PSMD14: variants seen among roughly 807,000 people sequenced by gnomAD.
PSMD14 encodes ubiquitin C-terminal hydrolase PSMD14.
PSMD14 carries 7 observed loss-of-function variants against 41.2 expected under a neutral mutation model. The ratio of observed to expected loss-of-function variants is 0.17; its 90% CI spans 0.10 to 0.32. The LOEUF is 0.32. Ranked by LOEUF, PSMD14 falls within the 10% of genes least tolerant of loss-of-function variation. The pLI, the probability that PSMD14 is intolerant of heterozygous loss-of-function variation, is 1.00. For missense variants in PSMD14, 139 were observed against 375.6 expected (o/e 0.37, Z 5.21); for synonymous variants, 114 against 122.3 (o/e 0.93, Z 0.45).
At chr2:161,309,057 C>A (rs1689058331) in intron 1 of PSMD14, among the ~76,000 whole-genome samples, 1 of 152,148 alleles carries the variant, frequency 6.6e-6, no homozygotes, top group African/African-American at 2.4e-5. Context: ...GTTAGGTTTT[C>A]AGCTCCCTCC....
chr2:161,336,068 G>A (rs1381822885), intron 3 of PSMD14, among the ~76,000 whole-genome samples: 1 of 152,198 alleles, frequency 6.6e-6, no homozygotes, highest in Admixed American at 6.5e-5. Flanking sequence ...ATGCTGAATT[G>A]TGGCAGAATA....
At chr2:161,370,991 T>C (rs752481119) in intron 6 of PSMD14, among the ~76,000 whole-genome samples, 181 bp from the exon 7 acceptor site, 1 of 152,320 alleles carries the variant, frequency 6.6e-6, no homozygotes, top group East Asian at 1.9e-4. Context: ...GTCACACATA[T>C]TCATTTCCAT....
At position 161,411,387 on chromosome 2, in the gene PSMD14, T is replaced by C. The variant is rs1169796885; in HGVS notation, c.920T>C (p.Val307Ala). The C allele has an allele frequency of 6.2e-7, 1 of 1,606,090 alleles. No homozygotes were observed. The change falls in exon 12 of 12, where the codon GTC (valine) becomes GCC (alanine). Residue 307 changes from valine (V) to alanine (A), a missense_variant. Physicochemically the swap from Val to Ala is moderately conservative, Grantham distance 64. This residue lies in a region of PSMD14 where 80 missense variants were observed against 138.1 expected (regional missense o/e 0.58). Transcript: ENST00000409682. ...VQCLAAMLDT[V>A]VFK ...TGTTTAGCAGCTATGTTGGATACTG[T>C]CGTATTTAAATAAAGCAACGAAAAA...
At chr2:161,337,012 T>C (rs114207008) in intron 3 of PSMD14, among the ~76,000 whole-genome samples, 87 of 152,388 alleles carry the variant, frequency 5.7e-4, no homozygotes, top group African/African-American at 2.1e-3. Context: ...TCATTTACTT[T>C]GGAAGTAACT....
chr2:161,333,061 T>C (rs889810274), intron 3 of PSMD14, among the ~76,000 whole-genome samples: 1 of 152,266 alleles, frequency 6.6e-6, no homozygotes, highest in African/African-American at 2.4e-5. Context: ...GAAATGACTT[T>C]AGCATCTGTC....
At chr2:161,371,422 A>G (rs1683432597) in intron 7 of PSMD14, 100 bp downstream of exon 7, 3 of 1,227,314 alleles carry the variant, frequency 2.4e-6, no homozygotes, top group East Asian at 5.1e-5. Context: ...TCTTAATTAC[A>G]CAGAAAGCTG....
intron 10 of PSMD14, among the ~76,000 whole-genome samples, chr2:161,403,000 A>C (rs551936643): frequency 4.6e-5 from 7 of 152,270 alleles, no homozygotes; most frequent in Admixed American, 4.6e-4. Flanking sequence ...TCAAAAAGTT[A>C]AACAGACAGT....
chr2:161,358,827 G>A (rs1367802859), intron 3 of PSMD14, among the ~76,000 whole-genome samples: 1 of 152,110 alleles, frequency 6.6e-6, no homozygotes, highest in African/African-American at 2.4e-5. Context: ...TGTAATCCCA[G>A]CTACTTGGGA....
rs537851001 is a variant in PSMD14 at position 161,358,432 on chromosome 2, CAT to C, written c.49-9044_49-9043del. On this transcript the variant is annotated intron_variant, in intron 3 of 11. Coordinates refer to ENST00000409682, the MANE Select transcript of PSMD14 (RefSeq NM_005805.6). ...TATGTCTAGGATTGGAAATATGAGACATAAGGGTAGGGGTAAAGGGACTTGGA... is the reference window on the plus strand; with the variant it reads ...TATGTCTAGGATTGGAAATATGAGACAAGGGTAGGGGTAAAGGGACTTGGA... Among the ~76,000 whole-genome samples, 30 of 152,196 alleles carry C rather than the reference CAT, an allele frequency of 2.0e-4. No individual in the cohort carries two copies. In the South Asian group the frequency reaches 6.0e-3, roughly 30 times the overall value.
chr2:161,392,841 A>C (rs942876593), intron 9 of PSMD14, among the ~76,000 whole-genome samples: 47 of 152,208 alleles, frequency 3.1e-4, no homozygotes, highest in African/African-American at 1.1e-3. Flanking sequence ...TTCAGGGACA[A>C]ACAAAATTCA....
chr2:161,372,554 T>C (rs1173251893), intron 7 of PSMD14, among the ~76,000 whole-genome samples: 2 of 151,972 alleles, frequency 1.3e-5, no homozygotes, highest in African/African-American at 4.8e-5. Flanking sequence ...AAAACAGTAA[T>C]AGAAACTGAT....
chr2:161,336,484 T>C (rs187587550), intron 3 of PSMD14, among the ~76,000 whole-genome samples: 122 of 152,360 alleles, frequency 8.0e-4, no homozygotes, highest in Non-Finnish European at 1.5e-3. Flanking sequence ...TTTTCAGTGA[T>C]GTTACTTATT....
intron 3 of PSMD14, among the ~76,000 whole-genome samples, chr2:161,327,056 C>A (rs1220872271): frequency 2.0e-5 from 3 of 152,094 alleles, no homozygotes; most frequent in Admixed American, 6.6e-5. Context: ...GAAATTCTGA[C>A]ATATGCTACA....
chr2:161,321,955 A>G (rs1187745698), intron 3 of PSMD14, among the ~76,000 whole-genome samples: 1 of 152,114 alleles, frequency 6.6e-6, no homozygotes, highest in Admixed American at 6.5e-5. Context: ...TGATTGATTA[A>G]ATCATTGGGT....
At chr2:161,398,565 A>G (rs748288991) in intron 10 of PSMD14, among the ~76,000 whole-genome samples, 3 of 151,860 alleles carry the variant, frequency 2.0e-5, no homozygotes, top group Admixed American at 1.3e-4. Flanking sequence ...ATAATGTTTG[A>G]TTACATATTT....
chr2:161,341,098 G>C (rs1682950534), intron 3 of PSMD14: 2 of 1,471,918 alleles, frequency 1.4e-6, no homozygotes, highest in African/African-American at 1.5e-5. Flanking sequence ...AGCCCCGCGG[G>C]CTCTCCAGGC....
chr2:161,310,953 A>C (rs1041964117), intron 1 of PSMD14, among the ~76,000 whole-genome samples: 1 of 152,136 alleles, frequency 6.6e-6, no homozygotes, highest in Admixed American at 6.5e-5. Context: ...TCAGCCCTCC[A>C]TATCTTTGGG....
intron 10 of PSMD14, among the ~76,000 whole-genome samples, chr2:161,396,483 A>C (rs1195682854): frequency 6.6e-6 from 1 of 152,206 alleles, no homozygotes; most frequent in Non-Finnish European, 1.5e-5. Context: ...TTATGACAAC[A>C]TGGATAAACC....
intron 9 of PSMD14, 50 bp from the exon 10 acceptor site, chr2:161,395,028 G>A (rs765567791): frequency 6.9e-7 from 1 of 1,447,204 alleles, no homozygotes; most frequent in Non-Finnish European, 9.2e-7. Context: ...AGACAATGAA[G>A]GGGGTATCCT....
Sources: allele counts gnomAD v4.1 joint callset (sites outside exome capture counted in the v4.1 genomes callset), GRCh38; gene constraint gnomAD v4.1.1; regional missense constraint gnomAD v4.1.1; transcripts MANE v1.5; gene names NCBI Gene and HGNC (gene_info 2026-07-23, HGNC 2026-07-21).